Variants in HPSE2 observed in about 807,000 individuals in gnomAD.
The protein encoded by HPSE2 is heparanase 2 (inactive).
In HPSE2, 38 loss-of-function variants were observed where a neutral mutation model predicts 60.5. That is an observed-to-expected ratio of 0.63 (90% confidence interval 0.48 to 0.82). The LOEUF (loss-of-function observed/expected upper bound fraction) is 0.82. HPSE2 is among the 40% of genes least tolerant of loss of function. The probability of loss-of-function intolerance (pLI) is 0.00; values close to 1 mark genes in which losing one functional copy is unlikely to be tolerated. For missense variants in HPSE2, 713 were observed against 740.4 expected, an observed-to-expected ratio of 0.96 and a Z score of 0.43; for synonymous variants, 295 against 293.2, an observed-to-expected ratio of 1.01 and a Z score of -0.06.
At chr10:98,875,836 G>A (rs1952862616) in intron 3 of HPSE2, among the ~76,000 whole-genome samples, 1 of 151,930 alleles carries the variant, frequency 6.6e-6, no homozygotes, top group Admixed American at 6.6e-5. Context: ...ACTTCACCAA[G>A]CAGGCAACAA....
intron 9 of HPSE2, among the ~76,000 whole-genome samples, chr10:98,545,622 G>A (rs534832312): frequency 5.9e-5 from 9 of 152,158 alleles, no homozygotes; most frequent in South Asian, 2.1e-4. Flanking sequence ...TGCTAAAAAC[G>A]CTCAATAAAT....
At chr10:98,562,701 T>C (rs10748742) in intron 9 of HPSE2, among the ~76,000 whole-genome samples, 122,804 of 143,364 alleles carry the variant, frequency 0.86, 53,548 homozygotes, top group East Asian at 1. Context: ...GCGAACAGAG[T>C]GAGACTCTGT....
intron 9 of HPSE2, among the ~76,000 whole-genome samples, chr10:98,549,120 A>C (rs924058321): frequency 1.3e-5 from 2 of 152,214 alleles, no homozygotes; most frequent in African/African-American, 4.8e-5. Context: ...TGTACTGCTT[A>C]GGAGTAGAAA....
the HPSE2 span, among the ~76,000 whole-genome samples, chr10:99,283,012 G>T: frequency 6.6e-6 from 1 of 151,864 alleles, no homozygotes; most frequent in South Asian, 2.1e-4. Context: ...GTGAAACCCC[G>T]ACTCTACTAA....
the HPSE2 span, among the ~76,000 whole-genome samples, chr10:99,314,664 G>A: frequency 6.6e-6 from 1 of 151,978 alleles, no homozygotes; most frequent in Non-Finnish European, 1.5e-5. Context: ...AGATTAATGT[G>A]GATTTTATTT....
chr10:98,603,105 C>A (rs1945474451), intron 9 of HPSE2, among the ~76,000 whole-genome samples: 1 of 152,140 alleles, frequency 6.6e-6, no homozygotes, highest in African/African-American at 2.4e-5. Flanking sequence ...GAAAAATCAA[C>A]AATTTTTCTT....
At chr10:99,150,124 C>T (rs573140776) in intron 2 of HPSE2, among the ~76,000 whole-genome samples, 5 of 152,254 alleles carry the variant, frequency 3.3e-5, no homozygotes, top group East Asian at 1.9e-4. Flanking sequence ...AACAAAGGAG[C>T]GGGCATCTTG....
intron 9 of HPSE2, among the ~76,000 whole-genome samples, chr10:98,594,964 T>C (rs1454941208): frequency 1.3e-5 from 2 of 152,258 alleles, no homozygotes; most frequent in Non-Finnish European, 2.9e-5. Context: ...TGAATTTTGA[T>C]AGAGATTGCA....
intron 6 of HPSE2, 148 bp downstream of exon 6, chr10:98,693,752 T>C: frequency 5.4e-6 from 4 of 738,880 alleles, no homozygotes; most frequent in Non-Finnish European, 9.8e-6. Flanking sequence ...GTATGTGCCA[T>C]AAAAACAACT....
At chr10:98,589,209 T>C (rs1277379295) in intron 9 of HPSE2, among the ~76,000 whole-genome samples, 1 of 152,200 alleles carries the variant, frequency 6.6e-6, no homozygotes, top group Non-Finnish European at 1.5e-5. Context: ...ATCCCATGCA[T>C]TGTATAATCA....
chr10:98,542,644 G>T (rs1943511963), intron 9 of HPSE2, among the ~76,000 whole-genome samples: 1 of 151,754 alleles, frequency 6.6e-6, no homozygotes, highest in Non-Finnish European at 1.5e-5. Flanking sequence ...GGAGCTGATG[G>T]AGCTGAAAAC....
chr10:98,956,886 G>C (rs574917660), intron 3 of HPSE2, among the ~76,000 whole-genome samples: 2 of 152,236 alleles, frequency 1.3e-5, no homozygotes, highest in East Asian at 3.9e-4. Context: ...GGAGACGAAA[G>C]GTTTCAAAGA....
intron 3 of HPSE2, among the ~76,000 whole-genome samples, chr10:98,911,711 T>C (rs1953984197): frequency 6.6e-6 from 1 of 152,132 alleles, no homozygotes; most frequent in African/African-American, 2.4e-5. Flanking sequence ...TAGGGGGACA[T>C]ACTGATGTTT....
chr10:98,738,630 G>GA (rs1009265644), intron 4 of HPSE2, among the ~76,000 whole-genome samples: 1 of 151,572 alleles, frequency 6.6e-6, no homozygotes, highest in African/African-American at 2.4e-5. Flanking sequence ...AAATTTACAA[G>GA]AAAAAAAACC....
chr10:98,927,925 T>C (rs1026386066), intron 3 of HPSE2, among the ~76,000 whole-genome samples: 2 of 148,192 alleles, frequency 1.3e-5, no homozygotes, highest in African/African-American at 5.1e-5. Flanking sequence ...GACATAGGCA[T>C]GGGCAAGGAC....
intron 2 of HPSE2, among the ~76,000 whole-genome samples, chr10:99,179,241 T>C (rs1238097046): frequency 2.6e-5 from 4 of 152,178 alleles, no homozygotes; most frequent in Non-Finnish European, 5.9e-5. Context: ...ACCATTGCTA[T>C]TCAACATACT....
chr10:98,958,224 C>A (rs1412521594), intron 3 of HPSE2, among the ~76,000 whole-genome samples: 1 of 152,122 alleles, frequency 6.6e-6, no homozygotes, highest in Admixed American at 6.6e-5. Context: ...TTTACACATA[C>A]ACATATTTGT....
intron 9 of HPSE2, among the ~76,000 whole-genome samples, chr10:98,537,522 C>A (rs1229418893): frequency 6.6e-6 from 1 of 152,156 alleles, no homozygotes; most frequent in Non-Finnish European, 1.5e-5. Flanking sequence ...TAATATTACT[C>A]TTTGTTGCAT....
chr10:98,607,904 G>T (rs1945638976), intron 9 of HPSE2, among the ~76,000 whole-genome samples: 1 of 151,862 alleles, frequency 6.6e-6, no homozygotes, highest in African/African-American at 2.4e-5. Context: ...GTTATATTCA[G>T]GTTATTAATG....
Sources: allele counts gnomAD v4.1 joint callset (sites outside exome capture counted in the v4.1 genomes callset), GRCh38; gene constraint gnomAD v4.1.1; transcripts MANE v1.5; gene names NCBI Gene and HGNC (gene_info 2026-07-23, HGNC 2026-07-21).